Variants in NEMF observed in about 807,000 individuals in gnomAD.
NEMF encodes the protein ribosome quality control complex subunit NEMF.
A neutral mutation model predicts 162.2 loss-of-function variants in NEMF; 89 were observed. That is an observed-to-expected ratio of 0.55 (90% CI 0.46 to 0.65). The LOEUF (loss-of-function observed/expected upper bound fraction) is 0.65, where lower values mean the gene tolerates loss of function less well. Ranked by LOEUF, NEMF falls within the 30% of genes least tolerant of loss-of-function variation. NEMF has a pLI of 0.00. For synonymous variants in NEMF, 421 were observed against 404.5 expected (o/e 1.04, Z -0.49); for missense variants, 1,133 against 1,261.9 (o/e 0.90, Z 1.55).
At chr14:49,807,263 T>C (rs1891258275) in intron 18 of NEMF, among the ~76,000 whole-genome samples, 1 of 152,258 alleles carries the variant, frequency 6.6e-6, no homozygotes, top group African/African-American at 2.4e-5. Context: ...TATGGATATA[T>C]CACATTTTGT....
chr14:49,809,464 G>C, intron 18 of NEMF, among the ~76,000 whole-genome samples: 1 of 152,244 alleles, frequency 6.6e-6, no homozygotes, highest in East Asian at 1.9e-4. Context: ...TGAACAGGCA[G>C]GGCACAGAGG....
intron 22 of NEMF, among the ~76,000 whole-genome samples, chr14:49,802,192 C>G (rs1890987368): frequency 1.3e-5 from 2 of 151,840 alleles, no homozygotes; most frequent in Admixed American, 1.3e-4. Flanking sequence ...AGCAATCCAC[C>G]TGCCTCGGAC....
chr14:49,801,486 C>T (rs530512160), intron 22 of NEMF: 4 of 46,756 alleles, frequency 8.6e-5, no homozygotes, highest in East Asian at 2.6e-3. Flanking sequence ...GACTCCCTCT[C>T]GGGGGGAAAA....
intron 5 of NEMF, among the ~76,000 whole-genome samples, chr14:49,840,204 G>A (rs1219287470): frequency 1.3e-5 from 2 of 152,140 alleles, no homozygotes; most frequent in Non-Finnish European, 2.9e-5. Flanking sequence ...GCTCATGCCT[G>A]TAATCCCAGC....
At chr14:49,833,571 GA>G (rs1294010092) in intron 7 of NEMF, 75 bp from the exon 8 acceptor site, 98 of 872,886 alleles carry the variant, frequency 1.1e-4, no homozygotes, top group Admixed American at 3.0e-4. Flanking sequence ...CAACTATGTA[GA>G]AAAACAGGAA....
intron 22 of NEMF, chr14:49,801,391 G>A (rs1890946244): frequency 6.6e-6 from 1 of 152,098 alleles, no homozygotes; most frequent in African/African-American, 2.4e-5. Flanking sequence ...GGGAGGCTGA[G>A]GCAGAAGAAT....
At chr14:49,828,849 A>G in intron 13 of NEMF, 42 bp from the exon 14 acceptor site, 1 of 1,444,746 alleles carries the variant, frequency 6.9e-7, no homozygotes, top group Admixed American at 2.6e-5. Flanking sequence ...CGTCAATGAC[A>G]TCACTTTTAT....
At chr14:49,819,634 G>A (rs1333564750) in intron 16 of NEMF, among the ~76,000 whole-genome samples, 8 of 151,918 alleles carry the variant, frequency 5.3e-5, no homozygotes, top group Non-Finnish European at 7.4e-5. Flanking sequence ...GGCTGGTCTC[G>A]AACTCCTCAC....
At chr14:49,828,854 T>C (rs1425142178) in intron 13 of NEMF, 47 bp from the exon 14 acceptor site, 2 of 1,431,138 alleles carry the variant, frequency 1.4e-6, no homozygotes, top group Admixed American at 2.6e-5. Context: ...ATGACATCAC[T>C]TTTATTTTCA....
intron 15 of NEMF, among the ~76,000 whole-genome samples, chr14:49,826,933 G>C (rs1381789016): frequency 6.6e-6 from 1 of 152,192 alleles, no homozygotes; most frequent in African/African-American, 2.4e-5. Context: ...TAAATGAAGA[G>C]AGGGGTCAAA....
At chr14:49,794,130 G>T (rs1424847748) in intron 26 of NEMF, among the ~76,000 whole-genome samples, 2 of 151,818 alleles carry the variant, frequency 1.3e-5, no homozygotes, top group Non-Finnish European at 2.9e-5. Context: ...ATTTTTTTCT[G>T]TCTAGCTATT....
intron 16 of NEMF, among the ~76,000 whole-genome samples, chr14:49,815,241 C>T (rs1235330418): frequency 6.6e-6 from 1 of 152,134 alleles, no homozygotes; most frequent in African/African-American, 2.4e-5. Flanking sequence ...TGTTTTCCCA[C>T]TCTGCTCTCA....
At chr14:49,836,578 G>T (rs565921154) in intron 6 of NEMF, among the ~76,000 whole-genome samples, 7 of 152,062 alleles carry the variant, frequency 4.6e-5, no homozygotes, top group Admixed American at 1.3e-4. Flanking sequence ...CCTGGGAGGT[G>T]GAAGCTGCAG....
chr14:49,802,378 ATCT>A, intron 22 of NEMF, 72 bp downstream of exon 22: 1 of 1,461,634 alleles, frequency 6.8e-7, no homozygotes, highest in Non-Finnish European at 9.4e-7. Context: ...AAGAGACATG[ATCT>A]TCTAAGGATT....
In NEMF at chr14:49,783,307, T is replaced by C. The variant is rs1890001392; in HGVS notation, c.*1329A>G. The stretch of plus-strand genomic sequence containing the variant: ...TTGAAAACATTATAGATTTTTTTTT[T>C]TTTAATGGCAAGAGTAGTCTATAGT... On this transcript the variant is annotated 3_prime_UTR_variant, in exon 33 of 33. Coordinates refer to ENST00000298310, the MANE Select transcript of NEMF (RefSeq NM_004713.6). The C allele has an allele frequency of 1.3e-5, 2 of 158,908 alleles. 1 individual carries two copies. The highest frequency in any genetic ancestry group is 3.7e-4 in the East Asian group (2 of 5,476). The allele number at this position is 158,908 out of a possible 1,614,324, so 9.8% of individuals were successfully genotyped here.
intron 3 of NEMF, 137 bp from the exon 4 acceptor site, chr14:49,846,402 A>C: frequency 1.4e-6 from 1 of 725,968 alleles, no homozygotes; most frequent in Non-Finnish European, 2.3e-6. Flanking sequence ...GTCATAAAGT[A>C]ATAGATTGCA....
chr14:49,842,521 A>G (rs1175724433), intron 4 of NEMF, among the ~76,000 whole-genome samples: 3 of 152,242 alleles, frequency 2.0e-5, no homozygotes, highest in African/African-American at 7.2e-5. Flanking sequence ...AGGTATAATT[A>G]AAATACAAAG....
intron 26 of NEMF, among the ~76,000 whole-genome samples, chr14:49,793,467 A>G (rs1183951856): frequency 6.6e-6 from 1 of 152,172 alleles, no homozygotes; most frequent in Admixed American, 6.5e-5. Flanking sequence ...TTGCTCAGTT[A>G]TAGTTTTATA....
intron 4 of NEMF, among the ~76,000 whole-genome samples, chr14:49,843,031 G>A (rs1893293410): frequency 6.6e-6 from 1 of 151,734 alleles, no homozygotes; most frequent in African/African-American, 2.4e-5. Context: ...TAAAAAAAAA[G>A]AAAGAGTAAA....
Sources: gnomAD v4.1 joint callset for allele counts (sites outside exome capture counted in the v4.1 genomes callset) on GRCh38, gnomAD v4.1.1 for gene constraint, MANE v1.5 for transcripts, NCBI Gene and HGNC (gene_info 2026-07-23, HGNC 2026-07-21) for gene names.